The following USP6NL variants were observed in gnomAD, a reference collection of about 807,000 sequenced individuals.
USP6NL encodes the protein USP6 N-terminal-like protein.
Under a neutral mutation model 61.9 loss-of-function variants are expected in USP6NL, and 26 were observed. The observed-to-expected ratio is 0.42, with a 90% CI of 0.31 to 0.58. USP6NL has a LOEUF of 0.58. Among genes scored for constraint, USP6NL ranks in the 20% least tolerant of loss-of-function variants. The probability of loss-of-function intolerance (pLI) is 0.16; values close to 1 mark genes in which losing one functional copy is unlikely to be tolerated. For synonymous variants in USP6NL, 432 were observed against 390.1 expected, an observed-to-expected ratio of 1.11 and a Z score of -1.27; for missense variants, 1,114 against 1,034.3, an observed-to-expected ratio of 1.08 and a Z score of -1.06.
rs977458985 is a variant in USP6NL, at chr10:11,485,282, T to A, written c.760-48A>T. 4.9e-6 allele frequency: 7 copies of A among 1,438,028 alleles called. No individual in the cohort carries two copies. In the African/African-American group the frequency reaches 7.3e-5, roughly 15 times the overall value. 89.1% of individuals were successfully genotyped at this position (1,438,028 alleles called of 1,614,324 possible). On this transcript the variant is annotated intron_variant, in intron 11 of 14. Transcript: ENST00000609104. The surrounding 1 kb of genome is among the most constrained non-coding windows in gnomAD (Gnocchi z 4.8). ...ATTTATGGATTGTAGCAAACTAAATTTAACAAAATAATACTAAGTTAGGAA... is the reference window on the plus strand; with the variant it reads ...ATTTATGGATTGTAGCAAACTAAATATAACAAAATAATACTAAGTTAGGAA...
At chr10:11,583,719 T>G (rs555426260) in intron 2 of USP6NL, among the ~76,000 whole-genome samples, 14 of 152,276 alleles carry the variant, frequency 9.2e-5, no homozygotes, top group African/African-American at 3.4e-4. Context: ...TCAAATAACA[T>G]TATTAGTTTT....
Position 11,562,720 on chromosome 10 carries a change from C to T in USP6NL, c.4+34911G>A. 3.0e-6 allele frequency: 3 copies of T among 985,400 alleles called. No homozygotes were observed. The highest frequency in any genetic ancestry group is 3.6e-6 in the Non-Finnish European group (3 of 829,910). 61.0% of individuals were successfully genotyped at this position (985,400 alleles called of 1,614,324 possible). On this transcript the variant is annotated intron_variant, in intron 2 of 14. Coordinates refer to ENST00000609104, the MANE Select transcript of USP6NL (RefSeq NM_014688.5). The surrounding 1 kb of genome is among the most constrained non-coding windows in gnomAD (Gnocchi z 4.8). ...GTCTATTTTATCTGCCAAATTTTCA[C>T]TTGTTTCTTGATCTAAAAACGTGGA...
rs1215850511 is a variant in USP6NL, at chr10:11,611,154, G to A, written c.-84+289C>T. Among the ~76,000 whole-genome samples, 2 of 152,002 alleles carry A rather than the reference G, an allele frequency of 1.3e-5. No homozygotes were observed. Among genetic ancestry groups the A allele is most frequent in the South Asian group, 4.1e-4 (2 of 4,830 alleles). On this transcript the variant is annotated intron_variant, in intron 1 of 14. Transcript: ENST00000609104. The surrounding 1 kb of genome is among the most constrained non-coding windows in gnomAD (Gnocchi z 5.3). ...TCGCGGCTCACTCGGGGAGGCAGTC[G>A]CCGGGTTCCACCCCCGGGCCTCCCC... is the stretch of plus-strand genomic sequence containing the variant.
intron 2 of USP6NL, among the ~76,000 whole-genome samples, chr10:11,544,537 G>A (rs146582802): frequency 2.1e-4 from 32 of 151,714 alleles, no homozygotes; most frequent in African/African-American, 7.5e-4. Context: ...GCACAGGCTG[G>A]AGTGCAGTTG....
intron 14 of USP6NL, among the ~76,000 whole-genome samples, chr10:11,466,892 C>A (rs1010970510): frequency 2.0e-5 from 3 of 152,192 alleles, no homozygotes; most frequent in Non-Finnish European, 4.4e-5. Flanking sequence ...TGAAAATACG[C>A]TATTTTCGGC....
rs143155737 is a variant in USP6NL at position 11,476,187 on chromosome 10, G to C, written c.1078+5583C>G. On this transcript the variant is annotated intron_variant, in intron 14 of 14. Coordinates refer to ENST00000609104, the MANE Select transcript of USP6NL (RefSeq NM_014688.5). This position sits in a 1 kb window ranked among gnomAD's most constrained non-coding sequence, Gnocchi z 4.3. The stretch of plus-strand genomic sequence containing the variant: ...GGTGAGAAAAACAGCTTAACAGGCA[G>C]CCTAAGGGACAACTGGAAATCTTCC... 6.6e-6 allele frequency among the ~76,000 whole-genome samples: 1 copy of C among 152,308 alleles called. No homozygotes were observed. The highest frequency in any genetic ancestry group is 1.9e-4 in the East Asian group (1 of 5,188).
At chr10:11,533,896 C>CGCTCCTTGACCAAACTTTGGGCAG (rs1835745230) in intron 2 of USP6NL, among the ~76,000 whole-genome samples, 1 of 152,160 alleles carries the variant, frequency 6.6e-6, no homozygotes, top group Non-Finnish European at 1.5e-5. Context: ...CTGACAAAGA[C>CGCTCCTTGACCAAACTTTGGGCAG]GCTCCTTGAC....
At chr10:11,573,673 A>T (rs1837440520) in intron 2 of USP6NL, 1 of 398,708 alleles carries the variant, frequency 2.5e-6, no homozygotes, top group South Asian at 1.3e-4. Flanking sequence ...GCAAGACTTG[A>T]ATCATTGCTA....
rs1050246362 is a variant in USP6NL, at chr10:11,490,065, C to G, written c.543+767G>C. The stretch of plus-strand genomic sequence containing the variant: ...TTTCCTTCTCACCAGACGCTTCCCA[C>G]CTTCCAGCTCCAATTCCGGTGAGGC... On this transcript the variant is annotated intron_variant, in intron 9 of 14. Coordinates refer to ENST00000609104, the MANE Select transcript of USP6NL (RefSeq NM_014688.5). The surrounding 1 kb of genome is among the most constrained non-coding windows in gnomAD (Gnocchi z 4.5). Among the ~76,000 whole-genome samples, 1 of 152,204 alleles carries G rather than the reference C, an allele frequency of 6.6e-6. No individual in the cohort carries two copies. Among genetic ancestry groups the G allele is most frequent in the Non-Finnish European group, 1.5e-5 (1 of 68,040 alleles).
intron 2 of USP6NL, among the ~76,000 whole-genome samples, chr10:11,529,184 A>T (rs1373566189): frequency 3.9e-5 from 6 of 152,232 alleles, no homozygotes; most frequent in Non-Finnish European, 2.9e-5. Context: ...CATAGAAAAA[A>T]AAAATCAACT....
At chr10:11,514,345 T>TG (rs1372515561) in intron 5 of USP6NL, among the ~76,000 whole-genome samples, 1 of 152,072 alleles carries the variant, frequency 6.6e-6, no homozygotes, top group Non-Finnish European at 1.5e-5. Context: ...AAATGGTGTT[T>TG]GGGTTTTTTT....
At chr10:11,534,656 G>A (rs767427364) in intron 2 of USP6NL, among the ~76,000 whole-genome samples, 20 of 152,182 alleles carry the variant, frequency 1.3e-4, no homozygotes, top group African/African-American at 4.3e-4. Flanking sequence ...CTGACATGAC[G>A]TAAAATACAA....
At chr10:11,527,614 GTAAAGT>G in intron 2 of USP6NL, 47 bp from the exon 3 acceptor site, 1 of 1,510,912 alleles carries the variant, frequency 6.6e-7, no homozygotes, top group East Asian at 2.3e-5. Context: ...TGAAAGAATC[GTAAAGT>G]TAATTAATTA....
At chr10:11,464,762 T>A (rs1320172165) in intron 14 of USP6NL, among the ~76,000 whole-genome samples, 2 of 152,216 alleles carry the variant, frequency 1.3e-5, no homozygotes, top group Non-Finnish European at 2.9e-5. Context: ...TCTTATACCT[T>A]TTGGTAAGAA....
chr10:11,501,216 A>G lies in USP6NL; in HGVS notation c.277-8T>C, dbSNP rs781771608. 4 of 1,596,170 alleles carry G rather than the reference A, an allele frequency of 2.5e-6. No homozygotes were observed. The highest frequency in any genetic ancestry group is 3.4e-6 in the Non-Finnish European group (4 of 1,173,020). On this transcript the variant is annotated splice_region_variant and splice_polypyrimidine_tract_variant and intron_variant, in intron 6 of 14. Coordinates refer to ENST00000609104, the MANE Select transcript of USP6NL (RefSeq NM_014688.5). ...GTAAATTCGCCTATGAAACTTATTA[A>G]AAGAAAAAGAAACTGAAGGTTACAA...
At chr10:11,514,638 G>A (rs1235246828) in intron 5 of USP6NL, among the ~76,000 whole-genome samples, 1 of 152,066 alleles carries the variant, frequency 6.6e-6, no homozygotes, top group Non-Finnish European at 1.5e-5. Flanking sequence ...GGTACAAAAT[G>A]ATTTTGGCCC....
chr10:11,591,767 A>C lies in USP6NL; in HGVS notation c.4+5864T>G, dbSNP rs181528563. Among the ~76,000 whole-genome samples the C allele has an allele frequency of 3.3e-3, 503 of 152,320 alleles. 2 individuals carry two copies. Among genetic ancestry groups the C allele is most frequent in the African/African-American group, 0.011 (462 of 41,556 alleles). ...GTAAGTTTGAAAAAATATCAAAAGAAAATATATAAGAAAAGAATGTAAACC... is the reference window on the plus strand; with the variant it reads ...GTAAGTTTGAAAAAATATCAAAAGACAATATATAAGAAAAGAATGTAAACC... On this transcript the variant is annotated intron_variant, in intron 2 of 14. Coordinates refer to ENST00000609104, the MANE Select transcript of USP6NL (RefSeq NM_014688.5). The surrounding 1 kb of genome is among the most constrained non-coding windows in gnomAD (Gnocchi z 4.7).
Position 11,598,684 on chromosome 10 carries a change from T to C in USP6NL, c.-83-967A>G, listed in dbSNP as rs1037925667. Among the ~76,000 whole-genome samples, 2 of 152,216 alleles carry C rather than the reference T, an allele frequency of 1.3e-5. No individual in the cohort carries two copies. Among genetic ancestry groups the C allele is most frequent in the Non-Finnish European group, 2.9e-5 (2 of 68,028 alleles). On this transcript the variant is annotated intron_variant, in intron 1 of 14. Coordinates refer to ENST00000609104, the MANE Select transcript of USP6NL (RefSeq NM_014688.5). This position sits in a 1 kb window ranked among gnomAD's most constrained non-coding sequence, Gnocchi z 4.7. ...TACTTCTTCCAATCACAATAGGTGA[T>C]GGTTATTTTCTAAATCAATTAAGAA...
In USP6NL at chr10:11,487,500, G is replaced by A. The variant is rs895626060; in HGVS notation, c.665-1589C>T. ...AAAGAAATGACCACTTCCTAAAATT[G>A]GACAGTCTTGGACACAATTACATAC... On this transcript the variant is annotated intron_variant, in intron 10 of 14. Transcript: ENST00000609104. The surrounding 1 kb of genome is among the most constrained non-coding windows in gnomAD (Gnocchi z 4.2). Among the ~76,000 whole-genome samples the A allele has an allele frequency of 6.6e-6, 1 of 152,068 alleles. No individual in the cohort carries two copies. Among genetic ancestry groups the A allele is most frequent in the African/African-American group, 2.4e-5 (1 of 41,406 alleles).
Sources: gnomAD v4.1 joint callset for allele counts (sites outside exome capture counted in the v4.1 genomes callset) on GRCh38, gnomAD v4.1.1 for gene constraint, Gnocchi (gnomAD v3.1) non-coding constraint, MANE v1.5 for transcripts, NCBI Gene and HGNC (gene_info 2026-07-23, HGNC 2026-07-21) for gene names.